STIM1: variants seen among roughly 807,000 people sequenced by gnomAD.
STIM1 encodes the protein stromal interaction molecule 1.
STIM1 carries 25 observed loss-of-function variants against 74.7 expected under a neutral mutation model. The observed-to-expected ratio is 0.33, with a 90% confidence interval of 0.24 to 0.47. The LOEUF is 0.47. STIM1 is among the 20% of genes least tolerant of loss of function. The pLI, the probability that STIM1 is intolerant of heterozygous loss-of-function variation, is 1.00. For missense variants in STIM1, 728 were observed against 920.8 expected (o/e 0.79, Z 2.71); for synonymous variants, 328 against 348.8 (o/e 0.94, Z 0.66).
intron 1 of STIM1, among the ~76,000 whole-genome samples, chr11:3,913,919 C>G (rs56167289): frequency 0.013 from 1,917 of 152,228 alleles, 44 homozygotes; most frequent in African/African-American, 0.044. Flanking sequence ...GGAGCTTAAT[C>G]TACGTTGTAA....
In STIM1 at chr11:4,019,971, G is replaced by C. The variant is rs186618467; in HGVS notation, c.271-3902G>C. On this transcript the variant is annotated intron_variant, in intron 2 of 12. Transcript: ENST00000526596. ...CCCTGTCTACCCTTCCCAGATTCTG[G>C]TAACCACTATCCTACGTTCTACTTC... 1.6e-4 allele frequency among the ~76,000 whole-genome samples: 24 copies of C among 152,014 alleles called. 1 individual carries two copies. The highest frequency in any genetic ancestry group is 3.9e-4 in the Admixed American group (6 of 15,268).
At chr11:4,055,465 C>A in intron 3 of STIM1, 61 bp from the exon 4 acceptor site, 1 of 1,300,798 alleles carries the variant, frequency 7.7e-7, no homozygotes, top group Non-Finnish European at 1.1e-6. Context: ...GTCAGCATGA[C>A]AACAAATGAA....
intron 3 of STIM1, among the ~76,000 whole-genome samples, chr11:4,052,023 A>G (rs1166044953): frequency 6.6e-6 from 1 of 152,214 alleles, no homozygotes; most frequent in African/African-American, 2.4e-5. Flanking sequence ...CAAAGAGAAT[A>G]AAATACCTAG....
At position 4,055,549 on chromosome 11, in the gene STIM1, G is replaced by C; in HGVS notation, c.409G>C (p.Val137Leu). 6.2e-7 allele frequency: 1 copy of C among 1,600,796 alleles called. No homozygotes were observed. The highest frequency in any genetic ancestry group is 8.5e-7 in the Non-Finnish European group (1 of 1,174,522). The change falls in exon 4 of 13, where the codon GTG (valine) becomes CTG (leucine). Residue 137 changes from valine to leucine, a missense_variant. By Grantham distance (32) the Val-to-Leu change is conservative (BLOSUM62 1). This residue lies in a region of STIM1 where 132 missense variants were observed against 158.2 expected (regional missense o/e 0.83). Transcript: ENST00000526596. Reference protein sequence around the residue: ...SEVYNWTVDEVVQWLITYVEL... With the variant: ...SEVYNWTVDELVQWLITYVEL... ...AGTATACAATTGGACCGTGGATGAGGTGGTACAGTGGCTGATCACATATGT... is the reference window on the plus strand; with the variant it reads ...AGTATACAATTGGACCGTGGATGAGCTGGTACAGTGGCTGATCACATATGT...
chr11:3,991,950 CAAAAAA>C (rs1230185435), intron 2 of STIM1, among the ~76,000 whole-genome samples: 3 of 36,694 alleles, frequency 8.2e-5, no homozygotes, highest in Non-Finnish European at 1.3e-4. Context: ...AACTCCATCT[CAAAAAA>C]AAAAAAAAAA....
rs1002219245 is a variant in STIM1, at chr11:4,083,739, C to G, written c.1474+241C>G. On this transcript the variant is annotated intron_variant, in intron 10 of 12. Coordinates refer to ENST00000526596, the MANE Select transcript of STIM1 (RefSeq NM_001382567.1). ...TGGGTCTATTGTGCTAAGTGTGTCTCCCTTCATTCTTTTTCACTTTATTGT... is the reference window on the plus strand; with the variant it reads ...TGGGTCTATTGTGCTAAGTGTGTCTGCCTTCATTCTTTTTCACTTTATTGT... 4 of 533,444 alleles carry G rather than the reference C, an allele frequency of 7.5e-6. No homozygotes were observed. The African/African-American group carries it at 7.6e-5, about 10-fold the overall frequency. 33.0% of individuals were successfully genotyped at this position (533,444 alleles called of 1,614,324 possible).
intron 1 of STIM1, among the ~76,000 whole-genome samples, chr11:3,910,757 G>A (rs1372859624): frequency 9.2e-5 from 14 of 151,610 alleles, no homozygotes; most frequent in Non-Finnish European, 1.6e-4. Flanking sequence ...CGAAGTGGGC[G>A]GATTACAAGA....
chr11:3,962,654 C>A (rs1309052798), intron 1 of STIM1, among the ~76,000 whole-genome samples: 1 of 152,080 alleles, frequency 6.6e-6, no homozygotes, highest in East Asian at 1.9e-4. Context: ...TTTGGGAGAT[C>A]TCCATACTGT....
chr11:3,925,928 G>C (rs558730082), intron 1 of STIM1, among the ~76,000 whole-genome samples: 2 of 152,148 alleles, frequency 1.3e-5, no homozygotes, highest in South Asian at 4.1e-4. Flanking sequence ...AATCCATACA[G>C]TATTCTAAGT....
chr11:3,872,472 A>C (rs2091137576), intron 1 of STIM1, among the ~76,000 whole-genome samples: 1 of 151,928 alleles, frequency 6.6e-6, no homozygotes, highest in South Asian at 2.1e-4. Flanking sequence ...TTTGAGTACA[A>C]TATGTTGTCA....
chr11:4,000,334 C>G (rs1346273078), intron 2 of STIM1, among the ~76,000 whole-genome samples: 2 of 151,522 alleles, frequency 1.3e-5, no homozygotes, highest in Admixed American at 1.3e-4. Flanking sequence ...GGAGGCACCC[C>G]CCAGTAGGGG....
intron 2 of STIM1, among the ~76,000 whole-genome samples, chr11:3,990,384 G>A (rs2135844524): frequency 6.6e-6 from 1 of 152,264 alleles, no homozygotes; most frequent in Non-Finnish European, 1.5e-5. Flanking sequence ...ACATGTATAA[G>A]TTTTTGTGTG....
Position 3,923,086 on chromosome 11 carries a change from C to T in STIM1, c.140-44466C>T, listed in dbSNP as rs1036581810. Among the ~76,000 whole-genome samples, 16 of 138,448 alleles carry T rather than the reference C, an allele frequency of 1.2e-4. No homozygotes were observed. In the East Asian group the frequency reaches 1.7e-3, roughly 15 times the overall value. The allele number at this position is 138,448 out of a possible 152,430, so 90.8% of individuals were successfully genotyped here. A position where few individuals can be genotyped will look rare whatever the true frequency, so the allele number is the denominator to read the frequency against. On this transcript the variant is annotated intron_variant, in intron 1 of 12. Transcript: ENST00000526596. The stretch of plus-strand genomic sequence containing the variant: ...CTGCACTCCAGCCTGGGAGACAGAG[C>T]GAGACTCCGTCTCAAAAAAAAAAAA...
intron 5 of STIM1, among the ~76,000 whole-genome samples, chr11:4,069,106 C>A (rs200644461): frequency 1.3e-5 from 2 of 152,210 alleles, no homozygotes; most frequent in East Asian, 3.9e-4. Context: ...GAGTAGCTGT[C>A]TCCTTCTTAT....
rs79761260 is a variant in STIM1 at position 3,875,380 on chromosome 11, G to A, written c.139+18971G>A. 7.6e-3 allele frequency among the ~76,000 whole-genome samples: 1,155 copies of A among 152,236 alleles called. 22 individuals are homozygous for A. The highest frequency in any genetic ancestry group is 0.026 in the African/African-American group (1,090 of 41,532). On this transcript the variant is annotated intron_variant, in intron 1 of 12. Transcript: ENST00000526596. ...TCAGACCTTTTTCTGTGCATATAGTGTATACTTCGTGTTTAACATAAAAAG... is the reference window on the plus strand; with the variant it reads ...TCAGACCTTTTTCTGTGCATATAGTATATACTTCGTGTTTAACATAAAAAG...
chr11:3,961,950 G>A (rs1590604091), intron 1 of STIM1, among the ~76,000 whole-genome samples: 1 of 152,158 alleles, frequency 6.6e-6, no homozygotes, highest in East Asian at 1.9e-4. Context: ...TTAACTCTAT[G>A]TATCATCTAC....
intron 1 of STIM1, among the ~76,000 whole-genome samples, chr11:3,941,967 G>T (rs1391859421): frequency 6.6e-6 from 1 of 152,072 alleles, no homozygotes; most frequent in Non-Finnish European, 1.5e-5. Context: ...TTATAGTCAG[G>T]AGCCACCAAG....
chr11:3,907,984 C>G (rs1333457021), intron 1 of STIM1, among the ~76,000 whole-genome samples: 1 of 152,166 alleles, frequency 6.6e-6, no homozygotes. Flanking sequence ...ATAGCAATCC[C>G]TCCCCCACCA....
intron 1 of STIM1, among the ~76,000 whole-genome samples, chr11:3,943,050 G>A (rs1049850742): frequency 6.6e-6 from 1 of 152,174 alleles, no homozygotes; most frequent in East Asian, 1.9e-4. Flanking sequence ...TTTACCCCAA[G>A]GCAACTCTTC....
Sources: gnomAD v4.1 joint callset for allele counts (sites outside exome capture counted in the v4.1 genomes callset) on GRCh38, gnomAD v4.1.1 for gene constraint, gnomAD v4.1.1 regional missense constraint, MANE v1.5 for transcripts, NCBI Gene and HGNC (gene_info 2026-07-23, HGNC 2026-07-21) for gene names.